Variants in PCDHGB3 observed in about 807,000 individuals in gnomAD.
PCDHGB3 encodes protocadherin gamma-B3.
PCDHGB3 carries 40 observed loss-of-function variants against 59.2 expected under a neutral mutation model. That is an observed-to-expected ratio of 0.68 (90% CI 0.52 to 0.88). PCDHGB3 has a LOEUF of 0.88. Among genes scored for constraint, PCDHGB3 ranks in the 40% least tolerant of loss-of-function variants. The probability of loss-of-function intolerance (pLI) is 0.00; values close to 1 mark genes in which losing one functional copy is unlikely to be tolerated. For synonymous variants in PCDHGB3, 581 were observed against 503.6 expected, an observed-to-expected ratio of 1.15 and a Z score of -2.06; for missense variants, 1,309 against 1,187.9, an observed-to-expected ratio of 1.10 and a Z score of -1.50.
intron 1 of PCDHGB3, chr5:141,430,555 TC>T (rs1232264614): frequency 9.7e-6 from 4 of 411,788 alleles, no homozygotes; most frequent in Non-Finnish European, 1.3e-5. Flanking sequence ...TGTTCACCAA[TC>T]GGGGAGAGAA....
Position 141,489,699 on chromosome 5 carries a change from A to G in PCDHGB3, c.2416-5108A>G. ...CAGCAGCATCTGGGGCACGATTCCC[A>G]CTGGACAGTGCCCAGGATCCGGATG... is the stretch of plus-strand genomic sequence containing the variant. On this transcript the variant is annotated intron_variant, in intron 1 of 3. Transcript: ENST00000576222. The surrounding 1 kb of genome is among the most constrained non-coding windows in gnomAD (Gnocchi z 4.5). The G allele has an allele frequency of 6.2e-7, 1 of 1,614,102 alleles. No homozygotes were observed. The highest frequency in any genetic ancestry group is 8.5e-7 in the Non-Finnish European group (1 of 1,179,956).
intron 1 of PCDHGB3, chr5:141,404,057 T>C (rs558471539): frequency 1.2e-5 from 19 of 1,613,894 alleles, no homozygotes; most frequent in Non-Finnish European, 1.4e-5. Context: ...AATTCTTCTT[T>C]TCAATGCTCA....
chr5:141,426,829 A>G, intron 1 of PCDHGB3: 2 of 456,716 alleles, frequency 4.4e-6, no homozygotes, highest in South Asian at 3.1e-5. Context: ...CTGATGATGG[A>G]CAAGACTAAA....
chr5:141,371,507 A>G lies in PCDHGB3; in HGVS notation c.1113A>G (p.Thr371=). Residue 371 remains threonine (T), a synonymous_variant, in exon 1 of 4, where the codon ACA becomes ACG. Coordinates refer to ENST00000576222, the MANE Select transcript of PCDHGB3 (RefSeq NM_018924.5). ...GGACTGCCGTTGCCCTGATCAAAAC[A>G]CATGATCTAGATTCTGGATTTAATG... The part of the protein sequence containing the change: ...ELGTAVALIK[T]HDLDSGFNGE... 6.2e-7 allele frequency: 1 copy of G among 1,613,910 alleles called. No homozygotes were observed. Among genetic ancestry groups the G allele is most frequent in the Non-Finnish European group, 8.5e-7 (1 of 1,179,830 alleles).
chr5:141,376,763 T>A (rs1300525391), intron 1 of PCDHGB3: 1 of 425,102 alleles, frequency 2.4e-6, no homozygotes. Context: ...CTCGGCTCAC[T>A]GCAAGCTCCG....
intron 2 of PCDHGB3, among the ~76,000 whole-genome samples, chr5:141,499,112 A>G (rs550424495): frequency 6.6e-6 from 1 of 152,238 alleles, no homozygotes; most frequent in African/African-American, 2.4e-5. Context: ...CCCCACCACT[A>G]TCCCTTCTCA....
chr5:141,440,667 T>C (rs1330266877), intron 1 of PCDHGB3: 1 of 152,218 alleles, frequency 6.6e-6, no homozygotes, highest in East Asian at 1.9e-4. Context: ...GCAGCAACTC[T>C]ATATTTCTCT....
chr5:141,406,481 T>C (rs2094814987), intron 1 of PCDHGB3, among the ~76,000 whole-genome samples: 2 of 152,242 alleles, frequency 1.3e-5, no homozygotes, highest in Admixed American at 6.5e-5. Flanking sequence ...GGTTATATTT[T>C]TCAGATCACA....
intron 1 of PCDHGB3, among the ~76,000 whole-genome samples, chr5:141,452,137 G>A (rs2154563838): frequency 6.6e-6 from 1 of 152,162 alleles, no homozygotes; most frequent in East Asian, 1.9e-4. Flanking sequence ...TGGCTCATGT[G>A]TTTTTTCCAA....
chr5:141,489,483 T>G lies in PCDHGB3; in HGVS notation c.2416-5324T>G. 1.9e-6 allele frequency: 3 copies of G among 1,613,980 alleles called. No individual in the cohort carries two copies. The highest frequency in any genetic ancestry group is 2.5e-6 in the Non-Finnish European group (3 of 1,180,008). ...GCTATTTTTCCCTGAGCTTGATGAG[T>G]GGTGCCCTGGCAGTGAATCAAAAGA... On this transcript the variant is annotated intron_variant, in intron 1 of 3. Coordinates refer to ENST00000576222, the MANE Select transcript of PCDHGB3 (RefSeq NM_018924.5). This position sits in a 1 kb window ranked among gnomAD's most constrained non-coding sequence, Gnocchi z 4.5.
chr5:141,375,581 C>T, intron 1 of PCDHGB3: 1 of 1,614,174 alleles, frequency 6.2e-7, no homozygotes, highest in Non-Finnish European at 8.5e-7. Context: ...CCAGGGGGCG[C>T]CCCTGTCCTC....
intron 1 of PCDHGB3, chr5:141,440,369 G>A (rs2098171994): frequency 6.6e-6 from 1 of 152,156 alleles, no homozygotes; most frequent in African/African-American, 2.4e-5. Context: ...GGGGGGCCGA[G>A]GCAGGAGAAT....
At chr5:141,415,479 A>G (rs750765604) in intron 1 of PCDHGB3, 19 of 1,613,988 alleles carry the variant, frequency 1.2e-5, no homozygotes, top group South Asian at 2.2e-5. Flanking sequence ...CGGACTCGCG[A>G]AAGAGTCACC....
At chr5:141,473,167 C>T (rs1360150717) in intron 1 of PCDHGB3, among the ~76,000 whole-genome samples, 2 of 152,122 alleles carry the variant, frequency 1.3e-5, no homozygotes. Flanking sequence ...TAGGAAGGCC[C>T]ACTGGTAACT....
rs756332070 is a variant in PCDHGB3, at chr5:141,431,578, C to A, written c.2415+58769C>A. The stretch of plus-strand genomic sequence containing the variant: ...ACGCTACCGACCCTGACGAAGGAGT[C>A]AATGCGGAAGTGAGGTATTCCTTCC... On this transcript the variant is annotated intron_variant, in intron 1 of 3. Transcript: ENST00000576222. This position sits in a 1 kb window ranked among gnomAD's most constrained non-coding sequence, Gnocchi z 4.8. 6.2e-7 allele frequency: 1 copy of A among 1,614,164 alleles called. No homozygotes were observed. Among genetic ancestry groups the A allele is most frequent in the African/African-American group, 1.3e-5 (1 of 75,060 alleles).
chr5:141,387,687 G>A, intron 1 of PCDHGB3: 1 of 808,412 alleles, frequency 1.2e-6, no homozygotes, highest in Non-Finnish European at 1.9e-6. Context: ...CGCAGCCGCA[G>A]CGCGCTTTCC....
chr5:141,505,621 A>G (rs1170133157), intron 3 of PCDHGB3, 140 bp downstream of exon 3: 5 of 1,495,758 alleles, frequency 3.3e-6, no homozygotes, highest in South Asian at 2.6e-5. Context: ...AGGACCCACA[A>G]TTCCAAACAT....
chr5:141,483,289 A>G (rs1446467890), intron 1 of PCDHGB3, among the ~76,000 whole-genome samples: 3 of 152,194 alleles, frequency 2.0e-5, no homozygotes, highest in Admixed American at 2.0e-4. Flanking sequence ...TCTGTCAGTC[A>G]TAAGTGAAGG....
intron 1 of PCDHGB3, chr5:141,478,597 C>T: frequency 6.4e-7 from 1 of 1,567,010 alleles, no homozygotes; most frequent in Non-Finnish European, 8.7e-7. Flanking sequence ...TTTATTCCTA[C>T]ATCATATTGA....
Sources: gnomAD v4.1 joint callset for allele counts (sites outside exome capture counted in the v4.1 genomes callset) on GRCh38, gnomAD v4.1.1 for gene constraint, Gnocchi (gnomAD v3.1) non-coding constraint, MANE v1.5 for transcripts, NCBI Gene and HGNC (gene_info 2026-07-23, HGNC 2026-07-21) for gene names.